The following SNX4 variants were observed in gnomAD, a reference collection of about 807,000 sequenced individuals.
The protein encoded by SNX4 is sorting nexin 4.
SNX4 carries 49 observed loss-of-function variants against 70.8 expected under a neutral mutation model. That is an observed-to-expected ratio of 0.69 (90% confidence interval 0.55 to 0.88). The LOEUF (loss-of-function observed/expected upper bound fraction) is 0.88. SNX4 is among the 40% of genes least tolerant of loss of function. SNX4 has a pLI of 0.00. For synonymous variants in SNX4, 206 were observed against 183.8 expected (o/e 1.12, Z -0.98); for missense variants, 528 against 544.8 (o/e 0.97, Z 0.31).
chr3:125,509,739 C>T (rs1438593970), intron 1 of SNX4, among the ~76,000 whole-genome samples: 8 of 106,232 alleles, frequency 7.5e-5, no homozygotes, highest in Admixed American at 4.5e-4. Context: ...GGTGACAGAG[C>T]GAGAATCTGT....
At chr3:125,455,614 G>A (rs1233703357) in intron 11 of SNX4, among the ~76,000 whole-genome samples, 4 of 152,166 alleles carry the variant, frequency 2.6e-5, no homozygotes, top group Non-Finnish European at 4.4e-5. Flanking sequence ...AATAAACCAA[G>A]GGCCTAGTTT....
chr3:125,458,170 A>AT (rs397875260), intron 10 of SNX4, among the ~76,000 whole-genome samples: 5,016 of 122,650 alleles, frequency 0.041, 215 homozygotes, highest in African/African-American at 0.098. Context: ...TCTATTAGGT[A>AT]TTTTTTTTTT....
rs1422933963 is a variant in SNX4 at position 125,468,992 on chromosome 3, T to C, written c.854+462A>G. On this transcript the variant is annotated intron_variant, in intron 9 of 13. Transcript: ENST00000251775. ...TATTTAGGGCTCTTATTTAATTTTCTTGTCTCACCATATTGAGTAGGACCT... is the reference window on the plus strand; with the variant it reads ...TATTTAGGGCTCTTATTTAATTTTCCTGTCTCACCATATTGAGTAGGACCT... Among the ~76,000 whole-genome samples, 3 of 152,234 alleles carry C rather than the reference T, an allele frequency of 2.0e-5. No individual in the cohort carries two copies. In the East Asian group the frequency reaches 5.8e-4, roughly 29 times the overall value.
intron 1 of SNX4, among the ~76,000 whole-genome samples, chr3:125,519,696 A>C: frequency 1.3e-5 from 2 of 151,880 alleles, no homozygotes; most frequent in Admixed American, 6.5e-5. Flanking sequence ...CGACCACTGA[A>C]AACCCCCTCC....
At chr3:125,506,956 C>G (rs1347638151) in intron 1 of SNX4, among the ~76,000 whole-genome samples, 1 of 146,702 alleles carries the variant, frequency 6.8e-6, no homozygotes, top group Non-Finnish European at 1.5e-5. Flanking sequence ...AATCCCAGCA[C>G]TTTGGGAGGC....
chr3:125,470,846 T>C (rs1934151821), intron 8 of SNX4, among the ~76,000 whole-genome samples: 1 of 151,644 alleles, frequency 6.6e-6, no homozygotes, highest in Non-Finnish European at 1.5e-5. Flanking sequence ...AACATAAGAG[T>C]TCCAAGCTAA....
chr3:125,469,342 G>C (rs1934110994), intron 9 of SNX4, 112 bp downstream of exon 9: 1 of 683,660 alleles, frequency 1.5e-6, no homozygotes, highest in Middle Eastern at 2.4e-4. Context: ...TGTACACATA[G>C]AGCGCAATAT....
intron 9 of SNX4, among the ~76,000 whole-genome samples, chr3:125,464,606 T>C (rs1474930996): frequency 1.6e-5 from 2 of 127,746 alleles, no homozygotes; most frequent in African/African-American, 6.0e-5. Context: ...ACAGTCTCAC[T>C]CTCACCCAGG....
intron 6 of SNX4, among the ~76,000 whole-genome samples, chr3:125,484,748 T>C (rs1438631326): frequency 2.6e-5 from 4 of 151,952 alleles, no homozygotes; most frequent in African/African-American, 7.2e-5. Context: ...TCCCAGCACT[T>C]TGGGAGGCCA....
intron 8 of SNX4, among the ~76,000 whole-genome samples, chr3:125,472,853 C>T (rs1043674121): frequency 1.3e-5 from 2 of 152,092 alleles, no homozygotes; most frequent in African/African-American, 2.4e-5. Flanking sequence ...CAACTCACCT[C>T]TCCCCTGCCT....
Position 125,457,999 on chromosome 3 carries a change from A to G in SNX4, c.945-634T>C, listed in dbSNP as rs78982360. On this transcript the variant is annotated intron_variant, in intron 10 of 13. Coordinates refer to ENST00000251775, the MANE Select transcript of SNX4 (RefSeq NM_003794.4). ...TTTTTAATGTATGTGAGAACTACAT[A>G]CATAATGTATACATATGTATACATA... 5.6e-3 allele frequency among the ~76,000 whole-genome samples: 858 copies of G among 152,272 alleles called. 8 individuals are homozygous for G. The highest frequency in any genetic ancestry group is 0.027 in the Middle Eastern group (8 of 294).
intron 1 of SNX4, among the ~76,000 whole-genome samples, chr3:125,511,307 A>ATCGC (rs10663761): frequency 6.6e-6 from 1 of 151,694 alleles, no homozygotes; most frequent in African/African-American, 2.4e-5. Context: ...CCAAAATCGA[A>ATCGC]TCTCTCTCTC....
At chr3:125,475,305 C>A (rs540378989) in intron 8 of SNX4, among the ~76,000 whole-genome samples, 1 of 152,242 alleles carries the variant, frequency 6.6e-6, no homozygotes, top group South Asian at 2.1e-4. Context: ...ATTTATGAAA[C>A]CACAAAATAC....
intron 7 of SNX4, among the ~76,000 whole-genome samples, chr3:125,479,931 C>A (rs989699972): frequency 2.0e-4 from 30 of 151,826 alleles, no homozygotes; most frequent in African/African-American, 7.0e-4. Flanking sequence ...TTAAAAAAAA[C>A]ATGAAAGAAT....
chr3:125,508,850 C>T (rs1935105165), intron 1 of SNX4, among the ~76,000 whole-genome samples: 1 of 152,048 alleles, frequency 6.6e-6, no homozygotes, highest in East Asian at 1.9e-4. Context: ...TTACCTAACA[C>T]CGACACAAAA....
At chr3:125,496,714 T>C (rs1580001797) in intron 5 of SNX4, among the ~76,000 whole-genome samples, 1 of 152,170 alleles carries the variant, frequency 6.6e-6, no homozygotes, top group Non-Finnish European at 1.5e-5. Flanking sequence ...TGCTCCTTGA[T>C]TTTCAGATCA....
chr3:125,504,863 T>C (rs62270174), intron 1 of SNX4, 119 bp from the exon 2 acceptor site: 266,471 of 1,167,892 alleles, frequency 0.23, 31,991 homozygotes, highest in Admixed American at 0.37. Flanking sequence ...AATAGTTACT[T>C]ATAGTTCTTG....
chr3:125,480,474 A>C (rs1934385375), intron 6 of SNX4, among the ~76,000 whole-genome samples, 155 bp from the exon 7 acceptor site: 1 of 152,124 alleles, frequency 6.6e-6, no homozygotes, highest in Admixed American at 6.5e-5. Context: ...AATCCAAAAA[A>C]CTCTAAAATA....
At chr3:125,462,777 A>G (rs1933917001) in intron 9 of SNX4, among the ~76,000 whole-genome samples, 2 of 152,154 alleles carry the variant, frequency 1.3e-5, no homozygotes, top group African/African-American at 4.8e-5. Flanking sequence ...CCAGATCTAG[A>G]TAATGCAGGA....
Sources: gnomAD v4.1 joint callset for allele counts (sites outside exome capture counted in the v4.1 genomes callset) on GRCh38, gnomAD v4.1.1 for gene constraint, MANE v1.5 for transcripts, NCBI Gene and HGNC (gene_info 2026-07-23, HGNC 2026-07-21) for gene names.